WNT7A: variants seen among roughly 807,000 people sequenced by gnomAD.
WNT7A encodes the protein protein Wnt-7a.
Under a neutral mutation model 28.2 loss-of-function variants are expected in WNT7A, and 16 were observed. The observed-to-expected ratio is 0.57, with a 90% confidence interval of 0.38 to 0.86. The LOEUF is 0.86. WNT7A is among the 40% of genes least tolerant of loss of function. WNT7A has a pLI of 0.00. For synonymous variants in WNT7A, 190 were observed against 195.9 expected (o/e 0.97, Z 0.25); for missense variants, 411 against 489.7 (o/e 0.84, Z 1.52).
intron 3 of WNT7A, among the ~76,000 whole-genome samples, chr3:13,853,021 G>A (rs1227350710): frequency 1.3e-5 from 2 of 152,078 alleles, no homozygotes; most frequent in African/African-American, 4.8e-5. Flanking sequence ...GGTCAGGCCT[G>A]GCCTGCACTC....
rs190384277 is a variant in WNT7A at position 13,820,440 on chromosome 3, C to T, written c.571-1017G>A. Among the ~76,000 whole-genome samples the T allele has an allele frequency of 4.6e-5, 7 of 150,776 alleles. No homozygotes were observed. The East Asian group carries it at 1.4e-3, about 29-fold the overall frequency. ...AAAAAGCCTTGAGGCTAAACTAAGT[C>T]TCAGAGCTGGTCTGTGAGACATTCT... On this transcript the variant is annotated intron_variant, in intron 3 of 3. Coordinates refer to ENST00000285018, the MANE Select transcript of WNT7A (RefSeq NM_004625.4).
intron 3 of WNT7A, among the ~76,000 whole-genome samples, chr3:13,838,619 TG>T (rs1181455481): frequency 6.6e-6 from 1 of 152,156 alleles, no homozygotes; most frequent in Non-Finnish European, 1.5e-5. Context: ...AGGAGGGAGC[TG>T]GGAAAGGGCT....
At chr3:13,831,379 C>T (rs890843437) in intron 3 of WNT7A, among the ~76,000 whole-genome samples, 66 of 152,308 alleles carry the variant, frequency 4.3e-4, no homozygotes, top group African/African-American at 1.5e-3. Flanking sequence ...GGTGGCAGTG[C>T]GGACCACAGT....
intron 2 of WNT7A, among the ~76,000 whole-genome samples, chr3:13,862,624 G>A (rs1181011555): frequency 6.6e-6 from 1 of 152,250 alleles, no homozygotes; most frequent in Non-Finnish European, 1.5e-5. Flanking sequence ...AGGAACCAGG[G>A]AGCCTCTCAA....
intron 2 of WNT7A, among the ~76,000 whole-genome samples, chr3:13,864,792 C>T (rs1694884913): frequency 6.6e-6 from 1 of 152,176 alleles, no homozygotes; most frequent in Non-Finnish European, 1.5e-5. Context: ...ATATACTCTT[C>T]ATTCTATACA....
chr3:13,830,752 C>T (rs1252795537), intron 3 of WNT7A, among the ~76,000 whole-genome samples: 2 of 152,202 alleles, frequency 1.3e-5, no homozygotes, highest in Admixed American at 1.3e-4. Flanking sequence ...CACTGCCCTC[C>T]AGGGCAGACA....
chr3:13,874,917 C>T (rs781456700), intron 2 of WNT7A, 30 bp downstream of exon 2: 1 of 1,610,980 alleles, frequency 6.2e-7, no homozygotes, highest in Non-Finnish European at 8.5e-7. Context: ...GCCGGTAAGA[C>T]TCTGCGGGGG....
chr3:13,833,334 C>T (rs2124837926), intron 3 of WNT7A, among the ~76,000 whole-genome samples: 1 of 152,336 alleles, frequency 6.6e-6, no homozygotes, highest in Admixed American at 6.5e-5. Context: ...TAGCCCTTCA[C>T]ACACAGTCCT....
intron 2 of WNT7A, 33 bp from the exon 3 acceptor site, chr3:13,854,836 G>C: frequency 6.2e-7 from 1 of 1,609,514 alleles, no homozygotes; most frequent in Non-Finnish European, 8.5e-7. Context: ...GACAAGTTGG[G>C]GTCAGGTCCC....
chr3:13,850,855 C>T (rs756911317), intron 3 of WNT7A, among the ~76,000 whole-genome samples: 5 of 152,182 alleles, frequency 3.3e-5, no homozygotes, highest in Non-Finnish European at 4.4e-5. Flanking sequence ...GATGTCTACA[C>T]GCACTCACAA....
In WNT7A at chr3:13,864,813, G is replaced by A. The variant is rs1694885277; in HGVS notation, c.299-10010C>T. ...TCTTCATTCTATACACTGTGTTGTC[G>A]CATATACATTTTACATGTATGTGCA... On this transcript the variant is annotated intron_variant, in intron 2 of 3. Coordinates refer to ENST00000285018, the MANE Select transcript of WNT7A (RefSeq NM_004625.4). Among the ~76,000 whole-genome samples the A allele has an allele frequency of 3.3e-5, 5 of 152,036 alleles. No homozygotes were observed. The South Asian group carries it at 8.3e-4, about 25-fold the overall frequency.
chr3:13,865,339 G>A (rs147385476), intron 2 of WNT7A, among the ~76,000 whole-genome samples: 2 of 152,168 alleles, frequency 1.3e-5, no homozygotes, highest in Non-Finnish European at 2.9e-5. Flanking sequence ...GCAGTAGGCG[G>A]CAGGTGGAGC....
At chr3:13,872,459 C>G (rs755649787) in intron 2 of WNT7A, among the ~76,000 whole-genome samples, 24 of 152,132 alleles carry the variant, frequency 1.6e-4, no homozygotes, top group Admixed American at 2.6e-4. Flanking sequence ...CCAACGACTC[C>G]CACTCAGAAA....
intron 3 of WNT7A, among the ~76,000 whole-genome samples, chr3:13,829,697 C>CGGGGACAGAG (rs1169651336): frequency 6.6e-6 from 1 of 152,016 alleles, no homozygotes; most frequent in Non-Finnish European, 1.5e-5. Context: ...AGAGAAAAGA[C>CGGGGACAGAG]GGGGACAGAG....
At chr3:13,823,493 T>C (rs1694144290) in intron 3 of WNT7A, among the ~76,000 whole-genome samples, 1 of 152,174 alleles carries the variant, frequency 6.6e-6, no homozygotes, top group African/African-American at 2.4e-5. Context: ...CCTGCCAAGC[T>C]AGCCAGGCAT....
chr3:13,876,244 G>C (rs116135515), intron 1 of WNT7A, among the ~76,000 whole-genome samples: 27 of 152,294 alleles, frequency 1.8e-4, no homozygotes, highest in Non-Finnish European at 4.0e-4. Flanking sequence ...AGACAAGTTC[G>C]GGGTCTTCAA....
At chr3:13,860,878 A>T (rs1350049647) in intron 2 of WNT7A, among the ~76,000 whole-genome samples, 1 of 152,232 alleles carries the variant, frequency 6.6e-6, no homozygotes, top group African/African-American at 2.4e-5. Flanking sequence ...ATGAGATCAT[A>T]TGTCCAATGA....
intron 3 of WNT7A, among the ~76,000 whole-genome samples, chr3:13,848,461 AATAAGCATATGAAAAT>A (rs1322389494): frequency 1.3e-5 from 2 of 152,266 alleles, no homozygotes; most frequent in African/African-American, 4.8e-5. Context: ...CCAGATGGCA[AATAAGCATATGAAAAT>A]ATATTCAACA....
chr3:13,880,069 T>A lies in WNT7A; in HGVS notation c.-253A>T. 1 of 330,158 alleles carries A rather than the reference T, an allele frequency of 3.0e-6. No homozygotes were observed. Among genetic ancestry groups the A allele is most frequent in the Non-Finnish European group, 5.5e-6 (1 of 182,084 alleles). 20.5% of individuals were successfully genotyped at this position (330,158 alleles called of 1,614,324 possible). The stretch of plus-strand genomic sequence containing the variant: ...GCTGCGCGCGAGCGACCGGTGCAAG[T>A]GTGCGAGACGCGGGGAGTGCGGGGG... On this transcript the variant is annotated 5_prime_UTR_variant, in exon 1 of 4. Transcript: ENST00000285018.
Sources: gnomAD v4.1 joint callset for allele counts (sites outside exome capture counted in the v4.1 genomes callset) on GRCh38, gnomAD v4.1.1 for gene constraint, MANE v1.5 for transcripts, NCBI Gene and HGNC (gene_info 2026-07-23, HGNC 2026-07-21) for gene names.